The following TBC1D1 variants were observed in gnomAD, a reference collection of about 807,000 sequenced individuals.
TBC1D1 encodes the protein TBC1 domain family member 1.
Under a neutral mutation model 125.6 loss-of-function variants are expected in TBC1D1, and 89 were observed. The observed-to-expected ratio is 0.71, with a 90% CI of 0.60 to 0.85. TBC1D1 has a LOEUF of 0.85. TBC1D1 is among the 40% of genes least tolerant of loss of function. The probability of loss-of-function intolerance (pLI) is 0.00; values close to 1 mark genes in which losing one functional copy is unlikely to be tolerated. For missense variants in TBC1D1, 1,377 were observed against 1,469.2 expected, an observed-to-expected ratio of 0.94 and a Z score of 1.03; for synonymous variants, 565 against 564.1, an observed-to-expected ratio of 1.00 and a Z score of -0.02.
intron 12 of TBC1D1, among the ~76,000 whole-genome samples, chr4:38,080,726 C>T (rs1756400294): frequency 6.6e-6 from 1 of 151,968 alleles, no homozygotes; most frequent in Non-Finnish European, 1.5e-5. Flanking sequence ...TGGACCTGCA[C>T]AGCCGCCCTC....
Position 37,929,894 on chromosome 4 carries a change from A to C in TBC1D1, c.417+27382A>C, listed in dbSNP as rs148353030. 9.3e-3 allele frequency among the ~76,000 whole-genome samples: 1,409 copies of C among 152,284 alleles called. 9 individuals carry two copies. Among genetic ancestry groups the C allele is most frequent in the Middle Eastern group, 0.061 (18 of 294 alleles). On this transcript the variant is annotated intron_variant, in intron 2 of 19. Transcript: ENST00000261439. ...AAAGAGAAGAAAAAGGAGGAGAAAG[A>C]TGGGAAAATACAAAAAAGGCAGAGG...
At chr4:38,011,982 C>T (rs1741608892) in intron 2 of TBC1D1, among the ~76,000 whole-genome samples, 1 of 152,178 alleles carries the variant, frequency 6.6e-6, no homozygotes, top group African/African-American at 2.4e-5. Flanking sequence ...TCCTTTGATA[C>T]ATAATGAAAG....
chr4:38,102,880 C>CA (rs57043774), intron 14 of TBC1D1, 119 bp from the exon 17 acceptor site: 86,854 of 961,282 alleles, frequency 0.09, 99 homozygotes, highest in African/African-American at 0.11. Flanking sequence ...GACTCTGTCT[C>CA]AAAAAAAAAA....
intron 18 of TBC1D1, 60 bp downstream of exon 20, chr4:38,125,191 A>G: frequency 2.0e-6 from 3 of 1,531,856 alleles, no homozygotes; most frequent in East Asian, 4.5e-5. Flanking sequence ...AGAAACTTAA[A>G]TCTCTCTTGA....
chr4:38,052,694 A>G (rs1469566971), intron 11 of TBC1D1, among the ~76,000 whole-genome samples: 2 of 147,702 alleles, frequency 1.4e-5, no homozygotes, highest in Non-Finnish European at 3.0e-5. Flanking sequence ...ACTTACATGC[A>G]TGCGTATATA....
chr4:37,967,913 G>T (rs999853069), intron 2 of TBC1D1, among the ~76,000 whole-genome samples: 8 of 152,078 alleles, frequency 5.3e-5, no homozygotes, highest in Non-Finnish European at 8.8e-5. Flanking sequence ...CAGGACTGCT[G>T]GGTTTTTCCA....
chr4:37,925,249 A>T (rs1282702371), intron 2 of TBC1D1, among the ~76,000 whole-genome samples: 1 of 152,148 alleles, frequency 6.6e-6, no homozygotes, highest in African/African-American at 2.4e-5. Context: ...GGCCAGGTCT[A>T]CCTTTCACAC....
chr4:37,988,083 C>T (rs1735820243), intron 2 of TBC1D1, among the ~76,000 whole-genome samples: 1 of 152,174 alleles, frequency 6.6e-6, no homozygotes, highest in Admixed American at 6.5e-5. Context: ...ATCAGGTAGC[C>T]TTGTTTGGCA....
intron 17 of TBC1D1, among the ~76,000 whole-genome samples, chr4:38,120,299 G>A (rs556363804): frequency 1.3e-5 from 2 of 152,290 alleles, no homozygotes; most frequent in East Asian, 3.9e-4. Flanking sequence ...AGGCCGCACT[G>A]GCTTGTGATG....
chr4:38,038,548 A>T (rs571359336), intron 8 of TBC1D1, among the ~76,000 whole-genome samples: 1 of 152,226 alleles, frequency 6.6e-6, no homozygotes, highest in Non-Finnish European at 1.5e-5. Context: ...TTTTGGGGAG[A>T]TTAAATTTAC....
At chr4:38,102,708 G>A (rs1466610398) in intron 14 of TBC1D1, among the ~76,000 whole-genome samples, 1 of 151,806 alleles carries the variant, frequency 6.6e-6, no homozygotes, top group East Asian at 1.9e-4. Context: ...GTGAGACCCT[G>A]TCTCTACAAA....
chr4:37,921,243 T>C (rs1229802479), intron 2 of TBC1D1, among the ~76,000 whole-genome samples: 1 of 151,708 alleles, frequency 6.6e-6, no homozygotes, highest in Non-Finnish European at 1.5e-5. Context: ...TGATGACCTT[T>C]GGCAGTGGAG....
At chr4:37,986,751 C>T (rs902528932) in intron 2 of TBC1D1, among the ~76,000 whole-genome samples, 1 of 151,920 alleles carries the variant, frequency 6.6e-6, no homozygotes, top group Non-Finnish European at 1.5e-5. Context: ...TTATTTAACC[C>T]CTTGATGAGT....
chr4:37,906,418 G>C (rs1306284957), intron 2 of TBC1D1, among the ~76,000 whole-genome samples: 1 of 152,160 alleles, frequency 6.6e-6, no homozygotes, highest in African/African-American at 2.4e-5. Context: ...AAAGTGCTGG[G>C]ATTATAAACA....
intron 2 of TBC1D1, among the ~76,000 whole-genome samples, chr4:37,906,216 C>T (rs150907321): frequency 0.016 from 2,395 of 152,120 alleles, 55 homozygotes; most frequent in African/African-American, 0.054. Context: ...GGCCCGATTT[C>T]GGCTCACTGC....
chr4:37,969,357 T>C (rs762174923), intron 2 of TBC1D1, among the ~76,000 whole-genome samples: 1 of 152,282 alleles, frequency 6.6e-6, no homozygotes, highest in Non-Finnish European at 1.5e-5. Context: ...TGTTTGTTTG[T>C]TTGAGACAGA....
At chr4:38,001,219 C>CG (rs1560596779) in intron 2 of TBC1D1, among the ~76,000 whole-genome samples, 1 of 120,208 alleles carries the variant, frequency 8.3e-6, no homozygotes, top group Non-Finnish European at 1.7e-5. Flanking sequence ...GACTCCGTCT[C>CG]AAAAAAAGAA....
chr4:37,932,597 GC>G (rs1723489575), intron 2 of TBC1D1, among the ~76,000 whole-genome samples: 1 of 152,046 alleles, frequency 6.6e-6, no homozygotes, highest in South Asian at 2.1e-4. Flanking sequence ...AGCAGGAATG[GC>G]CCTGGTAAGG....
chr4:37,937,552 A>G (rs1724640956), intron 2 of TBC1D1, among the ~76,000 whole-genome samples: 1 of 152,206 alleles, frequency 6.6e-6, no homozygotes, highest in South Asian at 2.1e-4. Context: ...TGAAGTTTAT[A>G]TGTAAATTAC....
Sources: gnomAD v4.1 joint callset for allele counts (sites outside exome capture counted in the v4.1 genomes callset) on GRCh38, gnomAD v4.1.1 for gene constraint, MANE v1.5 for transcripts, NCBI Gene and HGNC (gene_info 2026-07-23, HGNC 2026-07-21) for gene names.